The following CNTNAP4 variants were observed in gnomAD, a reference collection of about 807,000 sequenced individuals.
CNTNAP4 encodes contactin-associated protein-like 4.
A neutral mutation model predicts 148.4 loss-of-function variants in CNTNAP4; 98 were observed. That is an observed-to-expected ratio of 0.66 (90% CI 0.56 to 0.78). The LOEUF is 0.78. CNTNAP4 is among the 30% of genes least tolerant of loss of function. CNTNAP4 has a pLI of 0.00. For missense variants in CNTNAP4, 1,935 were observed against 1,565.6 expected (o/e 1.24, Z -3.98); for synonymous variants, 730 against 565.1 (o/e 1.29, Z -4.14).
chr16:76,401,641 T>C (rs973156006), intron 3 of CNTNAP4, among the ~76,000 whole-genome samples: 15 of 152,206 alleles, frequency 9.9e-5, no homozygotes, highest in African/African-American at 3.1e-4. Context: ...GGGGAATGTT[T>C]CCAGCTATGG....
At chr16:76,375,967 ACCT>A (rs899946179) in intron 3 of CNTNAP4, among the ~76,000 whole-genome samples, 1 of 152,118 alleles carries the variant, frequency 6.6e-6, no homozygotes, top group African/African-American at 2.4e-5. Flanking sequence ...AGTTGCTTTT[ACCT>A]CCTCTGTAAA....
At position 76,560,648 on chromosome 16, in the gene CNTNAP4, A is replaced by T. The variant is rs2085379169; in HGVS notation, c.*1965A>T. Among the ~76,000 whole-genome samples, 1 of 152,112 alleles carries T rather than the reference A, an allele frequency of 6.6e-6. No individual in the cohort carries two copies. Among genetic ancestry groups the T allele is most frequent in the African/African-American group, 2.4e-5 (1 of 41,420 alleles). On this transcript the variant is annotated 3_prime_UTR_variant, in exon 24 of 24. Coordinates refer to ENST00000611870, the MANE Select transcript of CNTNAP4 (RefSeq NM_033401.5). ...TCCTCTGTGGTCTGCACTGCTAGAGACTCAACATTATGGCATGGAAATGCA... is the reference window on the plus strand; with the variant it reads ...TCCTCTGTGGTCTGCACTGCTAGAGTCTCAACATTATGGCATGGAAATGCA...
intron 15 of CNTNAP4, among the ~76,000 whole-genome samples, chr16:76,499,543 TTTTA>T (rs906107990): frequency 3.3e-5 from 5 of 151,910 alleles, no homozygotes; most frequent in African/African-American, 4.8e-5. Context: ...CCAAGTTCTT[TTTTA>T]TTTATTTATT....
At chr16:76,457,934 A>G (rs2080797355) in intron 8 of CNTNAP4, among the ~76,000 whole-genome samples, 1 of 151,922 alleles carries the variant, frequency 6.6e-6, no homozygotes, top group South Asian at 2.1e-4. Flanking sequence ...GTAGTTTTTA[A>G]ATTCTTGCCC....
At chr16:76,309,231 G>C (rs1960824879) in intron 1 of CNTNAP4, among the ~76,000 whole-genome samples, 1 of 152,022 alleles carries the variant, frequency 6.6e-6, no homozygotes, top group African/African-American at 2.4e-5. Context: ...CAGCTGTGAG[G>C]ATGAGATGGC....
intron 2 of CNTNAP4, among the ~76,000 whole-genome samples, chr16:76,326,396 T>C (rs1252872619): frequency 6.6e-6 from 1 of 152,168 alleles, no homozygotes; most frequent in Non-Finnish European, 1.5e-5. Context: ...TTCATGTGTG[T>C]CCTGAGCATC....
At chr16:76,493,982 G>C (rs774006569) in intron 13 of CNTNAP4, among the ~76,000 whole-genome samples, 1 of 152,130 alleles carries the variant, frequency 6.6e-6, no homozygotes, top group Non-Finnish European at 1.5e-5. Context: ...TTTGAAAGTC[G>C]ACAGAAAAAT....
chr16:76,441,209 CA>C (rs908288606), intron 4 of CNTNAP4, among the ~76,000 whole-genome samples: 3 of 151,656 alleles, frequency 2.0e-5, no homozygotes, highest in Non-Finnish European at 2.9e-5. Context: ...TAAGCTCTTT[CA>C]AAAAAACAAA....
intron 2 of CNTNAP4, among the ~76,000 whole-genome samples, chr16:76,343,245 C>T (rs1042025077): frequency 3.9e-5 from 6 of 151,982 alleles, no homozygotes; most frequent in South Asian, 2.1e-4. Flanking sequence ...CCTGACAATC[C>T]GATGAAAGGC....
chr16:76,374,745 T>TTATTATTATTATTAG (rs1394789066), intron 3 of CNTNAP4, among the ~76,000 whole-genome samples: 75 of 105,826 alleles, frequency 7.1e-4, no homozygotes, highest in Admixed American at 1.7e-3. Context: ...TATGACACTA[T>TTATTATTATTATTAG]TATTATTATT....
intron 3 of CNTNAP4, among the ~76,000 whole-genome samples, chr16:76,373,373 A>T (rs2015069690): frequency 6.6e-6 from 1 of 152,162 alleles, no homozygotes; most frequent in Non-Finnish European, 1.5e-5. Context: ...AAAAACCAGG[A>T]CTTGAACTAC....
intron 3 of CNTNAP4, among the ~76,000 whole-genome samples, chr16:76,411,974 C>T (rs958404685): frequency 1.3e-5 from 2 of 151,366 alleles, no homozygotes; most frequent in Non-Finnish European, 3.0e-5. Context: ...CTCTTCCCAC[C>T]AAATAATCAT....
intron 1 of CNTNAP4, among the ~76,000 whole-genome samples, chr16:76,292,839 C>T (rs1045160812): frequency 5.9e-5 from 9 of 152,112 alleles, no homozygotes; most frequent in African/African-American, 2.2e-4. Context: ...AAAAAGAAAA[C>T]ACTTCAGATT....
intron 21 of CNTNAP4, among the ~76,000 whole-genome samples, chr16:76,548,790 C>G (rs1198984025): frequency 6.6e-6 from 1 of 152,186 alleles, no homozygotes; most frequent in East Asian, 1.9e-4. Flanking sequence ...CTACCCTGTT[C>G]TAACTCATTA....
At chr16:76,482,039 GT>G (rs1387764666) in intron 12 of CNTNAP4, among the ~76,000 whole-genome samples, 4 of 151,596 alleles carry the variant, frequency 2.6e-5, no homozygotes, top group African/African-American at 9.7e-5. Context: ...TTATACTGTA[GT>G]TTTAAGAAAC....
chr16:76,308,758 T>C, intron 1 of CNTNAP4, among the ~76,000 whole-genome samples: 1 of 152,204 alleles, frequency 6.6e-6, no homozygotes, highest in East Asian at 1.9e-4. Flanking sequence ...GATGAATCAC[T>C]GAAGATGCAC....
intron 15 of CNTNAP4, among the ~76,000 whole-genome samples, chr16:76,510,833 T>C (rs887847807): frequency 2.6e-5 from 4 of 152,140 alleles, no homozygotes; most frequent in Non-Finnish European, 5.9e-5. Context: ...ATTTTCTTTC[T>C]CTCAGGAATC....
chr16:76,488,558 A>T (rs1486344793), intron 12 of CNTNAP4, among the ~76,000 whole-genome samples: 1 of 152,158 alleles, frequency 6.6e-6, no homozygotes, highest in Non-Finnish European at 1.5e-5. Context: ...GATCCATGTG[A>T]ATGTCTTAGC....
At chr16:76,389,954 A>G (rs2016833750) in intron 3 of CNTNAP4, among the ~76,000 whole-genome samples, 1 of 152,184 alleles carries the variant, frequency 6.6e-6, no homozygotes, top group South Asian at 2.1e-4. Flanking sequence ...AAATAACAGT[A>G]GGAGGGGAGG....
Sources: allele counts gnomAD v4.1 joint callset (sites outside exome capture counted in the v4.1 genomes callset), GRCh38; gene constraint gnomAD v4.1.1; transcripts MANE v1.5; gene names NCBI Gene and HGNC (gene_info 2026-07-23, HGNC 2026-07-21).